The following ITM2B variants were observed in gnomAD, a reference collection of about 807,000 sequenced individuals.
The protein encoded by ITM2B is integral membrane protein 2B, also known as ABri/ADan amyloid peptide.
A neutral mutation model predicts 27.8 loss-of-function variants in ITM2B; 11 were observed. The observed-to-expected ratio is 0.40, with a 90% CI of 0.25 to 0.66. The LOEUF (loss-of-function observed/expected upper bound fraction) is 0.66, where lower values mean the gene tolerates loss of function less well. ITM2B is among the 30% of genes least tolerant of loss of function. The pLI is 0.43. For synonymous variants in ITM2B, 114 were observed against 114.3 expected, an observed-to-expected ratio of 1.00 and a Z score of 0.02; for missense variants, 296 against 328.9, an observed-to-expected ratio of 0.90 and a Z score of 0.77.
rs1252168905 is a variant in ITM2B at position 48,263,553 on chromosome 13, G to A, written c.*2329G>A. 2.0e-5 allele frequency: 3 copies of A among 152,290 alleles called. No individual in the cohort carries two copies. In the East Asian group the frequency reaches 5.8e-4, roughly 29 times the overall value. The allele number at this position is 152,290 out of a possible 1,614,324, so 9.4% of individuals were successfully genotyped here. On this transcript the variant is annotated 3_prime_UTR_variant, in exon 6 of 6. Coordinates refer to ENST00000647800, the MANE Select transcript of ITM2B (RefSeq NM_021999.5). ...TCCCAGTGGGTTCCAGGGAGACTCA[G>A]CTATCCTTCCCTCTTCTTGAGTTCT...
rs150336652 is a variant in ITM2B, at chr13:48,233,452, C to A, written c.92C>A (p.Pro31His). ...KSGEEALIIP[P>H]DAVAVDCKDP... ...GGCGAGGAGGCGCTCATCATCCCCC[C>A]CGACGCCGTCGCGGTGGACTGCAAG... Residue 31 changes from proline to histidine, a missense_variant, in exon 1 of 6, where the codon CCC (proline) becomes CAC (histidine). Pro to His is a moderately conservative substitution (Grantham distance 77). Transcript: ENST00000647800. 2.7e-3 allele frequency: 4,145 copies of A among 1,535,984 alleles called. 119 individuals carry two copies. In the African/African-American group the frequency reaches 0.052, roughly 19 times the overall value.
intron 3 of ITM2B, 96 bp from the exon 4 acceptor site, chr13:48,258,030 C>A (rs9332292): frequency 4.0e-5 from 29 of 727,280 alleles, no homozygotes; most frequent in Middle Eastern, 2.4e-4. Flanking sequence ...ATTCTAAAGC[C>A]AATTCATTTT....
intron 1 of ITM2B, among the ~76,000 whole-genome samples, chr13:48,240,133 T>A (rs190328580): frequency 6.6e-6 from 1 of 152,322 alleles, no homozygotes; most frequent in Admixed American, 6.5e-5. Flanking sequence ...ATAGGGAAAA[T>A]AATAATCTGT....
chr13:48,237,243 A>T (rs753120489), intron 1 of ITM2B, among the ~76,000 whole-genome samples: 3 of 152,220 alleles, frequency 2.0e-5, no homozygotes, highest in Non-Finnish European at 4.4e-5. Context: ...AGTGCATCTT[A>T]TTACCTAGTT....
chr13:48,233,589 G>A (rs1247298801), intron 1 of ITM2B, 112 bp downstream of exon 1: 4 of 591,914 alleles, frequency 6.8e-6, no homozygotes, highest in African/African-American at 6.0e-5. Flanking sequence ...CGCGCCGCGG[G>A]GACAAGTCCC....
intron 1 of ITM2B, among the ~76,000 whole-genome samples, chr13:48,244,877 C>T (rs543945607): frequency 6.6e-6 from 1 of 152,258 alleles, no homozygotes; most frequent in African/African-American, 2.4e-5. Context: ...ACCAATTTAT[C>T]CCGGTAAAGG....
chr13:48,259,907 T>C (rs1163896858), intron 5 of ITM2B, among the ~76,000 whole-genome samples: 4 of 152,102 alleles, frequency 2.6e-5, no homozygotes, highest in Non-Finnish European at 5.9e-5. Context: ...TATGCAGGTT[T>C]GTTACATAGG....
At chr13:48,253,983 C>A in intron 2 of ITM2B, 47 bp downstream of exon 2, 5 of 1,262,868 alleles carry the variant, frequency 4.0e-6, no homozygotes, top group Non-Finnish European at 1.1e-6. Flanking sequence ...TTTTTTTTTG[C>A]CTCTCCCGAT....
chr13:48,241,344 T>G (rs1358107277), intron 1 of ITM2B, among the ~76,000 whole-genome samples: 1 of 152,188 alleles, frequency 6.6e-6, no homozygotes, highest in African/African-American at 2.4e-5. Context: ...CCCGAGTAGC[T>G]GGGATTACAG....
Position 48,261,431 on chromosome 13 carries a change from T to C in ITM2B, c.*207T>C, listed in dbSNP as rs1175626440. On this transcript the variant is annotated 3_prime_UTR_variant, in exon 6 of 6. Transcript: ENST00000647800. Reference sequence around the variant, plus strand: ...GTGGTGTCTTTTATATTTGAATTAGTAACTGTATGAAGTCATAGATAATAG... The same window carrying C: ...GTGGTGTCTTTTATATTTGAATTAGCAACTGTATGAAGTCATAGATAATAG... 2.0e-6 allele frequency: 1 copy of C among 501,048 alleles called. No homozygotes were observed. Among genetic ancestry groups the C allele is most frequent in the Admixed American group, 3.6e-5 (1 of 27,498 alleles). 31.0% of individuals were successfully genotyped at this position (501,048 alleles called of 1,614,324 possible). A position where few individuals can be genotyped will look rare whatever the true frequency, so the allele number is the denominator to read the frequency against.
chr13:48,247,094 G>A (rs900049205), intron 1 of ITM2B, among the ~76,000 whole-genome samples: 1 of 152,198 alleles, frequency 6.6e-6, no homozygotes, highest in African/African-American at 2.4e-5. Context: ...CCAAAGTGCT[G>A]GGATTACAGG....
In ITM2B at chr13:48,233,473, G is replaced by A. The variant is rs1593385878; in HGVS notation, c.113G>A (p.Cys38Tyr). Residue 38 changes from cysteine (C) to tyrosine (Y), a missense_variant, in exon 1 of 6, where the codon TGC becomes TAC. Transcript: ENST00000647800. ...CCCCCCGACGCCGTCGCGGTGGACT[G>A]CAAGGTCCGAGCCCGGGGAGGTCGA... ...IIPPDAVAVD[C>Y]KDPDDVVPVG... The A allele has an allele frequency of 3.3e-6, 5 of 1,525,800 alleles. No individual in the cohort carries two copies. In the East Asian group the frequency reaches 8.0e-5, roughly 24 times the overall value. 94.5% of individuals were successfully genotyped at this position (1,525,800 alleles called of 1,614,324 possible). A position where few individuals can be genotyped will look rare whatever the true frequency, so the allele number is the denominator to read the frequency against.
At chr13:48,248,194 T>C (rs569629982) in intron 1 of ITM2B, among the ~76,000 whole-genome samples, 1 of 152,316 alleles carries the variant, frequency 6.6e-6, no homozygotes, top group East Asian at 1.9e-4. Context: ...TACATAATAC[T>C]TAAATATGTG....
chr13:48,250,873 A>G (rs1434569204), intron 1 of ITM2B, among the ~76,000 whole-genome samples: 4 of 152,232 alleles, frequency 2.6e-5, no homozygotes, highest in Non-Finnish European at 5.9e-5. Context: ...TATGAAGTAC[A>G]TGATGGTGGT....
chr13:48,239,414 C>T (rs1951686912), intron 1 of ITM2B, among the ~76,000 whole-genome samples: 2 of 152,192 alleles, frequency 1.3e-5, no homozygotes, highest in African/African-American at 4.8e-5. Context: ...GCTGGTGGAT[C>T]ACCTGAGGTC....
Position 48,265,482 on chromosome 13 carries a change from C to T in ITM2B, c.*4258C>T, listed in dbSNP as rs559438192. 244 of 151,774 alleles carry T rather than the reference C, an allele frequency of 1.6e-3. No individual in the cohort carries two copies. The highest frequency in any genetic ancestry group is 5.6e-3 in the African/African-American group (228 of 40,900). The allele number at this position is 151,774 out of a possible 1,614,324, so 9.4% of individuals were successfully genotyped here. A position where few individuals can be genotyped will look rare whatever the true frequency, so the allele number is the denominator to read the frequency against. Reference sequence around the variant, plus strand: ...AGTGGTTCTCTCTGCTTCCCCACACCCACCCGTAAGCCACAACAATCTTTC... The same window carrying T: ...AGTGGTTCTCTCTGCTTCCCCACACTCACCCGTAAGCCACAACAATCTTTC... On this transcript the variant is annotated 3_prime_UTR_variant, in exon 6 of 6. Transcript: ENST00000647800.
rs754586409 is a variant in ITM2B at position 48,256,253 on chromosome 13, C to T, written c.323C>T (p.Pro108Leu). 6.2e-7 allele frequency: 1 copy of T among 1,613,462 alleles called. No individual in the cohort carries two copies. The highest frequency in any genetic ancestry group is 1.3e-5 in the African/African-American group (1 of 74,900). ...VILNEPSADAPAALYQTIEEN... is the reference protein window; with the variant it reads ...VILNEPSADALAALYQTIEEN... ...TTAAATGAGCCCTCTGCAGATGCCC[C>T]AGCTGCTCTCTACCAGACAATTGAA... The change falls in exon 3 of 6, where the codon CCA (proline) becomes CTA (leucine). Residue 108 changes from proline to leucine, a missense_variant. Coordinates refer to ENST00000647800, the MANE Select transcript of ITM2B (RefSeq NM_021999.5).
Position 48,233,640 on chromosome 13 carries a change from T to A in ITM2B, c.117+163T>A, listed in dbSNP as rs190973047. Among the ~76,000 whole-genome samples the A allele has an allele frequency of 8.9e-3, 1,348 of 152,168 alleles. 13 individuals carry two copies. The highest frequency in any genetic ancestry group is 0.014 in the Non-Finnish European group (972 of 67,958). ...CTCCCGTTTCCTGTGGGTCCGCAGCTCCTTTGTAAGGAAGTGCGTGTGCTG... is the reference window on the plus strand; with the variant it reads ...CTCCCGTTTCCTGTGGGTCCGCAGCACCTTTGTAAGGAAGTGCGTGTGCTG... On this transcript the variant is annotated intron_variant, in intron 1 of 5. Transcript: ENST00000647800.
At chr13:48,249,611 T>G (rs1481736064) in intron 1 of ITM2B, among the ~76,000 whole-genome samples, 1 of 152,226 alleles carries the variant, frequency 6.6e-6, no homozygotes, top group Non-Finnish European at 1.5e-5. Context: ...TTTTATTGTT[T>G]GTGTACTTGC....
Sources: gnomAD v4.1 joint callset for allele counts (sites outside exome capture counted in the v4.1 genomes callset) on GRCh38, gnomAD v4.1.1 for gene constraint, MANE v1.5 for transcripts, NCBI Gene and HGNC (gene_info 2026-07-23, HGNC 2026-07-21) for gene names.